TRIM2: variants seen among roughly 807,000 people sequenced by gnomAD.
The protein encoded by TRIM2 is tripartite motif containing 2, also known as tripartite motif-containing protein 2.
In TRIM2, 20 loss-of-function variants were observed where a neutral mutation model predicts 75.2. The ratio of observed to expected loss-of-function variants is 0.27; its 90% CI spans 0.19 to 0.39. The LOEUF (loss-of-function observed/expected upper bound fraction) is 0.39, where lower values mean the gene tolerates loss of function less well. Ranked by LOEUF, TRIM2 falls within the 10% of genes least tolerant of loss-of-function variation. The pLI is 1.00. For missense variants in TRIM2, 660 were observed against 990.8 expected, an observed-to-expected ratio of 0.67 and a Z score of 4.48; for synonymous variants, 373 against 388.3, an observed-to-expected ratio of 0.96 and a Z score of 0.46.
rs150048321 is a variant in TRIM2, at chr4:153,245,178, T to C, written c.31-25157T>C. Among the ~76,000 whole-genome samples, 388 of 152,368 alleles carry C rather than the reference T, an allele frequency of 2.5e-3. 1 individual carries two copies. Among genetic ancestry groups the C allele is most frequent in the African/African-American group, 9.1e-3 (379 of 41,584 alleles). On this transcript the variant is annotated intron_variant, in intron 1 of 11. Coordinates refer to ENST00000338700, the MANE Select transcript of TRIM2 (RefSeq NM_015271.5). The stretch of plus-strand genomic sequence containing the variant: ...CAGGGTGATCATGCGTCTAAGGAAC[T>C]GATTATCTTTTCCATTTCTTATCTT...
chr4:153,233,940 G>T (rs180816259), intron 1 of TRIM2, among the ~76,000 whole-genome samples: 1 of 152,118 alleles, frequency 6.6e-6, no homozygotes, highest in African/African-American at 2.4e-5. Flanking sequence ...TACAGGCACC[G>T]GGCTGCTTTG....
chr4:153,244,358 T>TTCTTCTTCTTCC (rs1748114906), intron 1 of TRIM2, among the ~76,000 whole-genome samples: 2 of 22,224 alleles, frequency 9.0e-5, no homozygotes, highest in African/African-American at 3.7e-4. Flanking sequence ...CTTCTTCCTC[T>TTCTTCTTCTTCC]TCTTCTTCTT....
At chr4:153,270,812 A>G (rs1756490127) in intron 2 of TRIM2, among the ~76,000 whole-genome samples, 1 of 152,214 alleles carries the variant, frequency 6.6e-6, no homozygotes, top group Admixed American at 6.5e-5. Context: ...GTTCTTTGTG[A>G]AACAATTTTT....
chr4:153,255,433 G>A (rs975194350), intron 1 of TRIM2, among the ~76,000 whole-genome samples: 5 of 152,140 alleles, frequency 3.3e-5, no homozygotes, highest in African/African-American at 9.7e-5. Context: ...GCTGGGGGGC[G>A]GGGTCAGCAT....
Position 153,155,555 on chromosome 4 carries a change from A to G in TRIM2, c.-49+2285A>G, listed in dbSNP as rs551033507. 2.0e-5 allele frequency among the ~76,000 whole-genome samples: 3 copies of G among 152,298 alleles called. No individual in the cohort carries two copies. In the East Asian group the frequency reaches 5.8e-4, roughly 29 times the overall value. On this transcript the variant is annotated intron_variant, in intron 1 of 11. Transcript: ENST00000437508. ...TCAAATGTGTGAGGGGCTGAGAAGG[A>G]TGGAGTAAGAGAAAACCAGATTTTG...
intron 1 of TRIM2, among the ~76,000 whole-genome samples, chr4:153,217,483 A>C (rs748458836): frequency 6.6e-6 from 1 of 152,256 alleles, no homozygotes; most frequent in Non-Finnish European, 1.5e-5. Context: ...TGAGGGAGTC[A>C]GTGCAAGAAT....
intron 1 of TRIM2, among the ~76,000 whole-genome samples, chr4:153,209,501 T>C (rs1490259861): frequency 3.3e-5 from 5 of 152,174 alleles, no homozygotes. Context: ...AGGGAGCATT[T>C]CCTGATATAT....
chr4:153,199,940 ATTTTTT>A (rs34958420), upstream of TRIM2, among the ~76,000 whole-genome samples: 1 of 122,190 alleles, frequency 8.2e-6, no homozygotes, highest in Non-Finnish European at 1.6e-5. Context: ...TGGCCAGCTA[ATTTTTT>A]TTTTTTTTTT....
intron 6 of TRIM2, among the ~76,000 whole-genome samples, chr4:153,313,566 A>G (rs1055502060): frequency 4.0e-5 from 6 of 151,726 alleles, no homozygotes; most frequent in Admixed American, 3.9e-4. Flanking sequence ...CCACCAGTGC[A>G]TCCTTGTCTA....
rs959109286 is a variant in TRIM2 at position 153,292,989 on chromosome 4, A to G, written c.461A>G (p.Glu154Gly). The change falls in exon 4 of 12, where the codon GAA becomes GGA. Residue 154 changes from glutamate (E) to glycine (G), a missense_variant. Around this residue, in one of 2 missense-constraint regions of TRIM2, gnomAD observed 620 missense variants for 891.0 expected, o/e 0.70. Transcript: ENST00000338700. ...SCPNHDGNVM[E>G]FYCQSCETAM... is the part of the protein sequence containing the mutation. ...TTCTTGTGTCATCCACAGGTGATGGAATTTTACTGCCAGTCCTGTGAGACT... is the reference window on the plus strand; with the variant it reads ...TTCTTGTGTCATCCACAGGTGATGGGATTTTACTGCCAGTCCTGTGAGACT... 2.3e-5 allele frequency: 37 copies of G among 1,608,180 alleles called. No homozygotes were observed. In the Middle Eastern group the frequency reaches 6.6e-4, roughly 29 times the overall value.
chr4:153,188,664 C>T (rs567896195), intron 1 of TRIM2, among the ~76,000 whole-genome samples: 1 of 151,790 alleles, frequency 6.6e-6, no homozygotes, highest in South Asian at 2.1e-4. Context: ...CACAGTGGCT[C>T]ATGCCTATAA....
chr4:153,260,131 T>C (rs1399463964), intron 1 of TRIM2, among the ~76,000 whole-genome samples: 2 of 152,220 alleles, frequency 1.3e-5, no homozygotes, highest in African/African-American at 4.8e-5. Context: ...TGAAATAATT[T>C]TCTCTTTTCC....
At chr4:153,319,007 G>A (rs888085903) in intron 8 of TRIM2, among the ~76,000 whole-genome samples, 3 of 152,110 alleles carry the variant, frequency 2.0e-5, no homozygotes, top group African/African-American at 7.2e-5. Context: ...AACACTTTAG[G>A]ACCCTCACAG....
intron 1 of TRIM2, among the ~76,000 whole-genome samples, chr4:153,158,191 T>C (rs963284726): frequency 6.6e-6 from 1 of 152,218 alleles, no homozygotes; most frequent in African/African-American, 2.4e-5. Context: ...TCTATTGCTT[T>C]GAACCTTGTT....
intron 1 of TRIM2, among the ~76,000 whole-genome samples, chr4:153,171,640 GAA>G (rs60324157): frequency 6.6e-6 from 1 of 151,364 alleles, no homozygotes; most frequent in African/African-American, 2.4e-5. Context: ...TTGGTTAATG[GAA>G]AAAAAAGATA....
chr4:153,200,957 TG>T (rs1484836728), upstream of TRIM2, among the ~76,000 whole-genome samples: 1 of 151,510 alleles, frequency 6.6e-6, no homozygotes, highest in African/African-American at 2.4e-5. Flanking sequence ...TGGTCTCATT[TG>T]GTTTTTTGGG....
At chr4:153,249,536 A>G (rs1750279241) in intron 1 of TRIM2, among the ~76,000 whole-genome samples, 1 of 152,188 alleles carries the variant, frequency 6.6e-6, no homozygotes, top group Admixed American at 6.5e-5. Context: ...TGGGACCGAG[A>G]GGAAAGCATG....
intron 1 of TRIM2, among the ~76,000 whole-genome samples, chr4:153,268,249 G>A (rs7670540): frequency 0.52 from 79,843 of 152,132 alleles, 21,989 homozygotes; most frequent in African/African-American, 0.69. Flanking sequence ...GACTCTTGCA[G>A]CCAGAGGCTG....
At chr4:153,238,438 CAT>C (rs1745584928) in intron 1 of TRIM2, among the ~76,000 whole-genome samples, 1 of 152,102 alleles carries the variant, frequency 6.6e-6, no homozygotes, top group East Asian at 1.9e-4. Flanking sequence ...ACAGGAGAGA[CAT>C]GTAGAATATA....
Sources: allele counts gnomAD v4.1 joint callset (sites outside exome capture counted in the v4.1 genomes callset), GRCh38; gene constraint gnomAD v4.1.1; regional missense constraint gnomAD v4.1.1; transcripts MANE v1.5; gene names NCBI Gene and HGNC (gene_info 2026-07-23, HGNC 2026-07-21).